The following CACNA1D variants were observed in gnomAD, a reference collection of about 807,000 sequenced individuals.
The protein encoded by CACNA1D is calcium voltage-gated channel subunit alpha1 D.
Under a neutral mutation model 257.1 loss-of-function variants are expected in CACNA1D, and 55 were observed. That is an observed-to-expected ratio of 0.21 (90% confidence interval 0.17 to 0.27). The LOEUF is 0.27. Ranked by LOEUF, CACNA1D falls within the 10% of genes least tolerant of loss-of-function variation. CACNA1D has a pLI of 1.00. For missense variants in CACNA1D, 1,876 were observed against 2,784.0 expected, an observed-to-expected ratio of 0.67 and a Z score of 7.34; for synonymous variants, 980 against 1,014.9, an observed-to-expected ratio of 0.97 and a Z score of 0.65.
At chr3:53,660,003 T>G (rs1370435997) in intron 4 of CACNA1D, 130 bp from the exon 5 acceptor site, 6 of 789,314 alleles carry the variant, frequency 7.6e-6, no homozygotes, top group African/African-American at 3.5e-5. Context: ...AGTTCTTGTC[T>G]TTGTCTTCCT....
intron 29 of CACNA1D, among the ~76,000 whole-genome samples, chr3:53,759,295 A>G (rs563525230): frequency 6.6e-6 from 1 of 152,372 alleles, no homozygotes; most frequent in East Asian, 1.9e-4. Flanking sequence ...GCTGATGGAA[A>G]TGGCCTGAAG....
intron 3 of CACNA1D, among the ~76,000 whole-genome samples, chr3:53,538,281 G>A (rs1351858550): frequency 6.6e-6 from 1 of 150,764 alleles, no homozygotes; most frequent in African/African-American, 2.5e-5. Flanking sequence ...CTGAGTACCT[G>A]GGACTACAGG....
At chr3:53,798,195 C>T (rs947203297) in intron 40 of CACNA1D, among the ~76,000 whole-genome samples, 1 of 152,180 alleles carries the variant, frequency 6.6e-6, no homozygotes, top group African/African-American at 2.4e-5. Flanking sequence ...CAGTTGCCTT[C>T]TTGATGTTTC....
chr3:53,520,914 C>CTT (rs768568261), intron 3 of CACNA1D, among the ~76,000 whole-genome samples: 2 of 111,760 alleles, frequency 1.8e-5, no homozygotes, highest in African/African-American at 3.4e-5. Context: ...CTTTTCTTTT[C>CTT]TTTTTCTTTC....
intron 8 of CACNA1D, among the ~76,000 whole-genome samples, chr3:53,686,228 A>G (rs1300812025): frequency 6.6e-6 from 1 of 152,084 alleles, no homozygotes; most frequent in Non-Finnish European, 1.5e-5. Flanking sequence ...TCTTCTCTCA[A>G]TCTTCTCTCA....
At chr3:53,738,365 G>A (rs2095079643) in intron 20 of CACNA1D, among the ~76,000 whole-genome samples, 1 of 152,214 alleles carries the variant, frequency 6.6e-6, no homozygotes, top group Admixed American at 6.5e-5. Flanking sequence ...ATATAAAGAG[G>A]AAGGCACTGG....
intron 3 of CACNA1D, among the ~76,000 whole-genome samples, chr3:53,645,768 A>C (rs140323133): frequency 6.6e-6 from 1 of 152,334 alleles, no homozygotes; most frequent in Non-Finnish European, 1.5e-5. Flanking sequence ...CTGGGAGGTC[A>C]GTAAAGGTTT....
At chr3:53,685,778 C>T (rs145634171) in intron 8 of CACNA1D, among the ~76,000 whole-genome samples, 122 of 152,030 alleles carry the variant, frequency 8.0e-4, no homozygotes, top group Non-Finnish European at 8.5e-4. Context: ...TTGTATGATC[C>T]GTTGAATGCA....
intron 9 of CACNA1D, among the ~76,000 whole-genome samples, chr3:53,706,371 C>T (rs1165098928): frequency 1.3e-5 from 2 of 152,218 alleles, no homozygotes; most frequent in African/African-American, 4.8e-5. Flanking sequence ...GGCTGGAGGG[C>T]ATCTTGATGC....
At position 53,768,177 on chromosome 3, in the gene CACNA1D, G is replaced by C. The variant is rs1338455204; in HGVS notation, c.3871-1796G>C. Among the ~76,000 whole-genome samples the C allele has an allele frequency of 2.6e-5, 4 of 152,238 alleles. No homozygotes were observed. In the East Asian group the frequency reaches 7.7e-4, roughly 29 times the overall value. ...CAGACTTGAAGCAGAATAGGGAGAG[G>C]CCCGCAGGAGGGTCTTAGGCCAGAC... On this transcript the variant is annotated intron_variant, in intron 30 of 47. Coordinates refer to ENST00000350061, the MANE Select transcript of CACNA1D (RefSeq NM_001128840.3).
chr3:53,623,852 G>C (rs550245368), intron 3 of CACNA1D, among the ~76,000 whole-genome samples: 2 of 152,292 alleles, frequency 1.3e-5, no homozygotes, highest in East Asian at 3.9e-4. Context: ...AGCCGCTTTA[G>C]AATTGCTTTC....
At chr3:53,776,069 C>T (rs1278208235) in intron 35 of CACNA1D, 24 bp downstream of exon 35, 3 of 1,606,682 alleles carry the variant, frequency 1.9e-6, no homozygotes, top group African/African-American at 1.3e-5. Context: ...ACAGCTCCCC[C>T]TCTCAATTTA....
chr3:53,776,966 C>A lies in CACNA1D; in HGVS notation c.4587+10C>A. 6.3e-7 allele frequency: 1 copy of A among 1,597,064 alleles called. No homozygotes were observed. The highest frequency in any genetic ancestry group is 8.6e-7 in the Non-Finnish European group (1 of 1,164,652). ...CAGGGTAGCGTGCAAGGTGAGTGTC[C>A]TGTGTGCGTGTCTGACAGCCTGTCT... is the stretch of plus-strand genomic sequence containing the variant. On this transcript the variant is annotated intron_variant, in intron 37 of 47. Transcript: ENST00000350061.
chr3:53,567,688 C>A (rs1399470837), intron 3 of CACNA1D, among the ~76,000 whole-genome samples: 1 of 152,168 alleles, frequency 6.6e-6, no homozygotes, highest in Non-Finnish European at 1.5e-5. Context: ...ATAAGCCAAG[C>A]CCAAAGTCTG....
intron 3 of CACNA1D, among the ~76,000 whole-genome samples, chr3:53,504,518 T>C (rs1195306983): frequency 2.6e-5 from 4 of 152,146 alleles, no homozygotes; most frequent in African/African-American, 9.7e-5. Flanking sequence ...TTTAAAAATA[T>C]AAACACTCTC....
Position 53,774,599 on chromosome 3 carries a change from G to C in CACNA1D, c.4123G>C (p.Val1375Leu). The C allele has an allele frequency of 1.2e-6, 2 of 1,604,242 alleles. No homozygotes were observed. Among genetic ancestry groups the C allele is most frequent in the Non-Finnish European group, 1.7e-6 (2 of 1,170,938 alleles). Residue 1375 changes from valine to leucine, a missense_variant, in exon 34 of 48, where the codon GTT becomes CTT. Transcript: ENST00000350061. This position sits in a 1 kb window ranked among gnomAD's most constrained non-coding sequence, Gnocchi z 4.3. ...CTTCTCCACCTAGATGTTTGGGAAAGTTGCCATGAGAGATAACAACCAGAT... is the reference window on the plus strand; with the variant it reads ...CTTCTCCACCTAGATGTTTGGGAAACTTGCCATGAGAGATAACAACCAGAT... ...AVIGMQMFGK[V>L]AMRDNNQINR...
chr3:53,745,233 C>A (rs1049567224), intron 23 of CACNA1D, among the ~76,000 whole-genome samples: 2 of 149,496 alleles, frequency 1.3e-5, no homozygotes, highest in Non-Finnish European at 3.0e-5. Flanking sequence ...GCACCTGTAG[C>A]ATTTCTTCTT....
intron 3 of CACNA1D, among the ~76,000 whole-genome samples, chr3:53,581,518 AT>A (rs1260176163): frequency 1.3e-5 from 2 of 152,214 alleles, no homozygotes; most frequent in Non-Finnish European, 1.5e-5. Flanking sequence ...TAGATAACCC[AT>A]TCCAGGAAAA....
At chr3:53,744,569 G>C (rs866187955) in intron 22 of CACNA1D, among the ~76,000 whole-genome samples, 171 bp from the exon 23 acceptor site, 1 of 152,148 alleles carries the variant, frequency 6.6e-6, no homozygotes, top group Admixed American at 6.5e-5. Flanking sequence ...TCGTGTGGGC[G>C]GGGAGGAGAA....
Sources: allele counts gnomAD v4.1 joint callset (sites outside exome capture counted in the v4.1 genomes callset), GRCh38; gene constraint gnomAD v4.1.1; non-coding constraint Gnocchi (gnomAD v3.1); transcripts MANE v1.5; gene names NCBI Gene and HGNC (gene_info 2026-07-23, HGNC 2026-07-21).